The following ACTR3C variants were observed in gnomAD, a reference collection of about 807,000 sequenced individuals.
The protein encoded by ACTR3C is actin related protein 3C, also known as actin-related protein 3C.
In ACTR3C, 18 loss-of-function variants were observed where a neutral mutation model predicts 26.3. The observed-to-expected ratio is 0.68, with a 90% CI of 0.47 to 1.01. The LOEUF is 1.01. ACTR3C is among the 50% of genes least tolerant of loss of function. ACTR3C has a pLI of 0.00. For synonymous variants in ACTR3C, 55 were observed against 94.5 expected (o/e 0.58, Z 2.42); for missense variants, 184 against 250.7 (o/e 0.73, Z 1.80).
chr7:149,917,514 A>G, the ACTR3C span, among the ~76,000 whole-genome samples: 8 of 152,168 alleles, frequency 5.3e-5, no homozygotes, highest in South Asian at 1.5e-3. Flanking sequence ...GACTCAACAT[A>G]TTTATATATA....
At chr7:150,060,141 T>A in the ACTR3C span, among the ~76,000 whole-genome samples, 1 of 152,204 alleles carries the variant, frequency 6.6e-6, no homozygotes, top group Non-Finnish European at 1.5e-5. Context: ...AATGTGAGTC[T>A]CGCTCCATAT....
chr7:150,184,078 G>A, the ACTR3C span, among the ~76,000 whole-genome samples: 1 of 150,468 alleles, frequency 6.6e-6, no homozygotes, highest in Non-Finnish European at 1.5e-5. Flanking sequence ...CTCAGTTTCG[G>A]GTATTTCTTC....
chr7:150,133,040 C>T, the ACTR3C span, among the ~76,000 whole-genome samples: 1 of 152,270 alleles, frequency 6.6e-6, no homozygotes, highest in African/African-American at 2.4e-5. Context: ...TTCCTAAACT[C>T]TAGCAACCCT....
At chr7:150,269,280 C>A (rs974031482) in intron 6 of ACTR3C, among the ~76,000 whole-genome samples, 6 of 127,448 alleles carry the variant, frequency 4.7e-5, no homozygotes, top group Admixed American at 3.0e-4. Context: ...CAGTAGAAAC[C>A]CCGTTTTCCT....
chr7:150,051,572 T>C, the ACTR3C span, among the ~76,000 whole-genome samples: 1 of 60,224 alleles, frequency 1.7e-5, no homozygotes, highest in East Asian at 6.3e-4. Context: ...TTATTGGGTG[T>C]GAGAAAATAT....
chr7:150,186,996 A>G, the ACTR3C span, among the ~76,000 whole-genome samples: 1 of 152,140 alleles, frequency 6.6e-6, no homozygotes, highest in Non-Finnish European at 1.5e-5. Context: ...TACTTTATGT[A>G]CTGCTGATTT....
the ACTR3C span, among the ~76,000 whole-genome samples, chr7:150,070,988 G>A: frequency 6.8e-6 from 1 of 146,062 alleles, no homozygotes; most frequent in African/African-American, 2.6e-5. Flanking sequence ...TAGAGACAGG[G>A]TTTCACCATG....
chr7:150,237,586 C>T, the ACTR3C span, among the ~76,000 whole-genome samples: 6,918 of 152,142 alleles, frequency 0.045, 327 homozygotes, highest in East Asian at 0.13. Flanking sequence ...GTCACGGTAA[C>T]GCCCTGGAAG....
the ACTR3C span, among the ~76,000 whole-genome samples, chr7:150,092,757 G>A: frequency 1.3e-5 from 2 of 150,600 alleles, no homozygotes; most frequent in African/African-American, 5.0e-5. Flanking sequence ...CGGAATATGG[G>A]CTAAAGTGAT....
the ACTR3C span, among the ~76,000 whole-genome samples, chr7:149,896,826 G>C: frequency 6.6e-6 from 1 of 151,858 alleles, no homozygotes; most frequent in Non-Finnish European, 1.5e-5. Context: ...TTAGGAGGTC[G>C]AGGCGGGTAG....
chr7:150,275,712 CA>C (rs59017721), intron 6 of ACTR3C, among the ~76,000 whole-genome samples: 26,881 of 144,584 alleles, frequency 0.19, 3,217 homozygotes, highest in African/African-American at 0.34. Context: ...AACTCTGTCT[CA>C]AAAAAAAAAC....
At chr7:150,216,550 T>C in the ACTR3C span, among the ~76,000 whole-genome samples, 2 of 152,236 alleles carry the variant, frequency 1.3e-5, no homozygotes, top group African/African-American at 2.4e-5. Context: ...CACCATGCCA[T>C]GCCCAGCTCT....
At chr7:150,088,965 T>C in the ACTR3C span, among the ~76,000 whole-genome samples, 1 of 152,248 alleles carries the variant, frequency 6.6e-6, no homozygotes, top group African/African-American at 2.4e-5. Flanking sequence ...CTTTTTTTGT[T>C]GGACAGCCTT....
At chr7:150,094,970 C>T in the ACTR3C span, among the ~76,000 whole-genome samples, 6 of 136,526 alleles carry the variant, frequency 4.4e-5, no homozygotes, top group African/African-American at 1.5e-4. Flanking sequence ...GCCCCCACAG[C>T]CCCCCAGCCC....
chr7:150,277,935 C>T (rs1835017989), intron 6 of ACTR3C, among the ~76,000 whole-genome samples: 1 of 152,154 alleles, frequency 6.6e-6, no homozygotes, highest in African/African-American at 2.4e-5. Flanking sequence ...TCAACGCCCT[C>T]AGGATAAAAT....
chr7:150,092,190 A>G, the ACTR3C span, among the ~76,000 whole-genome samples: 3 of 142,246 alleles, frequency 2.1e-5, no homozygotes, highest in Admixed American at 1.4e-4. Flanking sequence ...TTTAAGCAAT[A>G]TTTACTACAT....
the ACTR3C span, among the ~76,000 whole-genome samples, chr7:150,159,130 C>T: frequency 1.3e-5 from 2 of 152,016 alleles, no homozygotes; most frequent in East Asian, 1.9e-4. Context: ...AACACCATAT[C>T]GCGCACCCTA....
At chr7:150,064,649 T>TACACACACAC in the ACTR3C span, among the ~76,000 whole-genome samples, 1,303 of 145,218 alleles carry the variant, frequency 9.0e-3, 11 homozygotes, top group African/African-American at 0.025. Flanking sequence ...TATTTTCACA[T>TACACACACAC]ACACACACAC....
At chr7:150,188,479 T>C in the ACTR3C span, among the ~76,000 whole-genome samples, 18 of 151,778 alleles carry the variant, frequency 1.2e-4, no homozygotes, top group African/African-American at 4.1e-4. Context: ...TACTCAGGAA[T>C]AGAATTACTG....
Sources: gnomAD v4.1 joint callset for allele counts (sites outside exome capture counted in the v4.1 genomes callset) on GRCh38, gnomAD v4.1.1 for gene constraint, MANE v1.5 for transcripts, NCBI Gene and HGNC (gene_info 2026-07-23, HGNC 2026-07-21) for gene names.